ELOVL6: variants seen among roughly 807,000 people sequenced by gnomAD.
ELOVL6 encodes the protein very long chain fatty acid elongase 6.
In ELOVL6, 8 loss-of-function variants were observed where a neutral mutation model predicts 31.7. The observed-to-expected ratio is 0.25, with a 90% confidence interval of 0.15 to 0.45. The LOEUF is 0.45. Among genes scored for constraint, ELOVL6 ranks in the 20% least tolerant of loss-of-function variants. ELOVL6 has a pLI of 1.00. For synonymous variants in ELOVL6, 101 were observed against 117.7 expected (o/e 0.86, Z 0.92); for missense variants, 126 against 326.4 (o/e 0.39, Z 4.73).
intron 1 of ELOVL6, among the ~76,000 whole-genome samples, chr4:110,192,683 G>A (rs1759658384): frequency 6.6e-6 from 1 of 152,182 alleles, no homozygotes; most frequent in South Asian, 2.1e-4. Flanking sequence ...AAAGATACAT[G>A]AAAGTTCATA....
chr4:110,192,625 T>C (rs1221637045), intron 1 of ELOVL6, among the ~76,000 whole-genome samples: 1 of 152,234 alleles, frequency 6.6e-6, no homozygotes, highest in African/African-American at 2.4e-5. Context: ...CTGGCTTTCA[T>C]CCTTTGGAAT....
chr4:110,184,158 G>C (rs1759375881), intron 1 of ELOVL6, among the ~76,000 whole-genome samples: 1 of 152,034 alleles, frequency 6.6e-6, no homozygotes, highest in African/African-American at 2.4e-5. Context: ...CAGATGAAGA[G>C]AGTAAAATAT....
In ELOVL6 at chr4:110,073,650, T is replaced by A. The variant is rs531237877; in HGVS notation, c.222-13896A>T. 3.9e-5 allele frequency among the ~76,000 whole-genome samples: 6 copies of A among 152,274 alleles called. No individual in the cohort carries two copies. In the East Asian group the frequency reaches 1.2e-3, roughly 29 times the overall value. Reference sequence around the variant, plus strand: ...TCCAAGGAGAACGTATTTTTCTCCCTTCACTATGAAATGTAAGCATTGAGG... The same window carrying A: ...TCCAAGGAGAACGTATTTTTCTCCCATCACTATGAAATGTAAGCATTGAGG... On this transcript the variant is annotated intron_variant, in intron 2 of 3. Coordinates refer to ENST00000302274, the MANE Select transcript of ELOVL6 (RefSeq NM_024090.3).
rs779775193 is a variant in ELOVL6 at position 110,117,881 on chromosome 4, C to CAAAAAAA, written c.90-12260_90-12254dup. The CAAAAAAA allele has an allele frequency of 4.8e-3, 10 of 2,064 alleles. 3 individuals are homozygous for CAAAAAAA. The highest frequency in any genetic ancestry group is 0.01 in the Admixed American group (1 of 100). 0.1% of individuals were successfully genotyped at this position (2,064 alleles called of 1,614,324 possible). ...TGGGCAACAGAGTGAGACTCTGTCT[C>CAAAAAAA]AAAAAAAAAAAAAAAAAAAAAAATA... is the stretch of plus-strand genomic sequence containing the variant. On this transcript the variant is annotated intron_variant, in intron 1 of 3. Transcript: ENST00000302274.
At chr4:110,165,326 G>A (rs1310587895) in intron 1 of ELOVL6, among the ~76,000 whole-genome samples, 2 of 152,138 alleles carry the variant, frequency 1.3e-5, no homozygotes, top group African/African-American at 4.8e-5. Context: ...CCACCATTAT[G>A]TTCCTGATTT....
chr4:110,055,096 T>C (rs1754943374), intron 3 of ELOVL6, among the ~76,000 whole-genome samples: 1 of 152,102 alleles, frequency 6.6e-6, no homozygotes, highest in Non-Finnish European at 1.5e-5. Context: ...GGTGGGGCTC[T>C]AGAAGAGCTA....
At position 110,059,546 on chromosome 4, in the gene ELOVL6, A is replaced by T. The variant is rs1440240330; in HGVS notation, c.373+57T>A. 3 of 1,528,828 alleles carry T rather than the reference A, an allele frequency of 2.0e-6. No individual in the cohort carries two copies. The African/African-American group carries it at 4.1e-5, about 21-fold the overall frequency. The allele number at this position is 1,528,828 out of a possible 1,614,324, so 94.7% of individuals were successfully genotyped here. ...AAAATGTTTCTTTGCTCACTAAATA[A>T]ATACTGTGGATATGTTGCTACAAAG... On this transcript the variant is annotated intron_variant, in intron 3 of 3. Transcript: ENST00000302274.
At chr4:110,130,352 A>G (rs1261820980) in intron 1 of ELOVL6, among the ~76,000 whole-genome samples, 2 of 152,226 alleles carry the variant, frequency 1.3e-5, no homozygotes, top group African/African-American at 4.8e-5. Context: ...AAATATATTT[A>G]AAGTGACATT....
intron 2 of ELOVL6, among the ~76,000 whole-genome samples, chr4:110,077,814 C>A (rs983546891): frequency 1.3e-5 from 2 of 151,998 alleles, no homozygotes; most frequent in African/African-American, 4.8e-5. Context: ...AAGTTCGAAC[C>A]CATGGCAAAG....
chr4:110,060,881 A>C (rs2126222714), intron 2 of ELOVL6, among the ~76,000 whole-genome samples: 1 of 152,314 alleles, frequency 6.6e-6, no homozygotes, highest in East Asian at 1.9e-4. Flanking sequence ...TTTTTACTTA[A>C]AATATCTTAG....
At chr4:110,102,900 T>TCC (rs1386799558) in intron 2 of ELOVL6, among the ~76,000 whole-genome samples, 1 of 112,588 alleles carries the variant, frequency 8.9e-6, no homozygotes, top group Non-Finnish European at 1.7e-5. Context: ...CTCCCAGAAT[T>TCC]CCCACGTGTT....
At chr4:110,084,584 ATATATTTTT>A (rs1299452040) in intron 2 of ELOVL6, among the ~76,000 whole-genome samples, 30 of 54,878 alleles carry the variant, frequency 5.5e-4, no homozygotes, top group African/African-American at 8.4e-4. Context: ...ATATATATAT[ATATATTTTT>A]TTTTTTTTTT....
chr4:110,098,083 A>G (rs1756639574), intron 2 of ELOVL6, among the ~76,000 whole-genome samples: 1 of 152,226 alleles, frequency 6.6e-6, no homozygotes, highest in East Asian at 1.9e-4. Flanking sequence ...ATCTGTCTAC[A>G]AGTTAGAAAC....
intron 1 of ELOVL6, among the ~76,000 whole-genome samples, chr4:110,152,065 T>G (rs1758293443): frequency 6.6e-6 from 1 of 152,200 alleles, no homozygotes; most frequent in Admixed American, 6.5e-5. Flanking sequence ...AGAGTAACAG[T>G]AAGATAAATA....
At chr4:110,080,564 A>G (rs1578461515) in intron 2 of ELOVL6, among the ~76,000 whole-genome samples, 1 of 152,230 alleles carries the variant, frequency 6.6e-6, no homozygotes, top group Non-Finnish European at 1.5e-5. Flanking sequence ...AAAACTCTCA[A>G]TAGATTAGGT....
At chr4:110,073,667 G>C (rs1269746453) in intron 2 of ELOVL6, among the ~76,000 whole-genome samples, 1 of 152,074 alleles carries the variant, frequency 6.6e-6, no homozygotes, top group Non-Finnish European at 1.5e-5. Flanking sequence ...TGAAATGTAA[G>C]CATTGAGGAA....
chr4:110,049,587 T>G lies in ELOVL6; in HGVS notation c.*1751A>C, dbSNP rs1040551749. On this transcript the variant is annotated 3_prime_UTR_variant, in exon 4 of 4. Coordinates refer to ENST00000302274, the MANE Select transcript of ELOVL6 (RefSeq NM_024090.3). ...AAGCAAGAAAGAGAAACAACAGTTT[T>G]GTTTTGTTTTTTTCTGCTAGCCAGA... 2 of 151,764 alleles carry G rather than the reference T, an allele frequency of 1.3e-5. No homozygotes were observed. Among genetic ancestry groups the G allele is most frequent in the African/African-American group, 4.8e-5 (2 of 41,290 alleles). 9.4% of individuals were successfully genotyped at this position (151,764 alleles called of 1,614,324 possible). A position where few individuals can be genotyped will look rare whatever the true frequency, so the allele number is the denominator to read the frequency against.
intron 1 of ELOVL6, among the ~76,000 whole-genome samples, chr4:110,196,948 G>A (rs1486145165): frequency 1.3e-5 from 2 of 152,208 alleles, no homozygotes; most frequent in South Asian, 2.1e-4. Context: ...GGGGGCTGGA[G>A]GACAGGAAGT....
chr4:110,155,369 A>G (rs1758385220), intron 1 of ELOVL6, among the ~76,000 whole-genome samples: 1 of 152,152 alleles, frequency 6.6e-6, no homozygotes, highest in Non-Finnish European at 1.5e-5. Flanking sequence ...GGATAGCCCT[A>G]GAGACTGAGA....
Sources: allele counts gnomAD v4.1 joint callset (sites outside exome capture counted in the v4.1 genomes callset), GRCh38; gene constraint gnomAD v4.1.1; transcripts MANE v1.5; gene names NCBI Gene and HGNC (gene_info 2026-07-23, HGNC 2026-07-21).